Variants in ZNF649 observed in about 807,000 individuals in gnomAD.
The protein encoded by ZNF649 is zinc finger protein 649.
ZNF649 carries 7 observed loss-of-function variants against 14.1 expected under a neutral mutation model. The observed-to-expected ratio is 0.49, with a 90% confidence interval of 0.28 to 0.93. ZNF649 has a LOEUF of 0.93. Among genes scored for constraint, ZNF649 ranks in the 40% least tolerant of loss-of-function variants. ZNF649 has a pLI of 0.10. For missense variants in ZNF649, 544 were observed against 608.1 expected (o/e 0.89, Z 1.11); for synonymous variants, 227 against 212.3 (o/e 1.07, Z -0.60).
At chr19:51,901,691 C>G (rs906867981) in intron 1 of ZNF649, among the ~76,000 whole-genome samples, 1 of 152,090 alleles carries the variant, frequency 6.6e-6, no homozygotes, top group East Asian at 1.9e-4. Flanking sequence ...CGTGTTGGCT[C>G]ACACCTGTAA....
chr19:51,895,839 A>G (rs1424093260), intron 4 of ZNF649, among the ~76,000 whole-genome samples: 1 of 152,166 alleles, frequency 6.6e-6, no homozygotes, highest in East Asian at 1.9e-4. Flanking sequence ...ATGCTGTTCT[A>G]GCAAATTAAT....
chr19:51,902,669 A>T (rs1400164476), intron 1 of ZNF649, among the ~76,000 whole-genome samples: 2 of 152,206 alleles, frequency 1.3e-5, no homozygotes, highest in Admixed American at 1.3e-4. Flanking sequence ...CTAACATCAG[A>T]ATCATCTGAA....
intron 4 of ZNF649, among the ~76,000 whole-genome samples, chr19:51,894,758 ACATTTCTGTTT>A (rs2085048397): frequency 6.6e-6 from 1 of 152,214 alleles, no homozygotes; most frequent in Admixed American, 6.5e-5. Flanking sequence ...CTCAAGAAAG[ACATTTCTGTTT>A]CTCACTAAAT....
At position 51,900,300 on chromosome 19, in the gene ZNF649, G is replaced by A. The variant is rs2085087627; in HGVS notation, c.-187-6C>T. The A allele has an allele frequency of 4.6e-6, 2 of 433,596 alleles. No homozygotes were observed. The highest frequency in any genetic ancestry group is 6.9e-5 in the East Asian group (2 of 28,854). 26.9% of individuals were successfully genotyped at this position (433,596 alleles called of 1,614,324 possible). On this transcript the variant is annotated splice_region_variant and splice_polypyrimidine_tract_variant and intron_variant, in intron 1 of 4. Coordinates refer to ENST00000354957, the MANE Select transcript of ZNF649 (RefSeq NM_023074.4). ...TGCTTCTGGGGAGCCAGGACCTATG[G>A]AGTAAAAATCAAGTTCATTTGGTGA...
Position 51,891,760 on chromosome 19 carries a change from T to G in ZNF649, c.376A>C (p.Arg126=), listed in dbSNP as rs1350858267. 2 of 1,614,012 alleles carry G rather than the reference T, an allele frequency of 1.2e-6. No homozygotes were observed. The highest frequency in any genetic ancestry group is 1.7e-6 in the Non-Finnish European group (2 of 1,179,998). ...GLTNQSRRYN[R]KEPAEFNGDG... is the part of the protein sequence containing the mutation. ...CCATTAAACTCAGCAGGCTCCTTTCTGTTGTATCTTCTGCTCTGGTTGGTT... is the reference window on the plus strand; with the variant it reads ...CCATTAAACTCAGCAGGCTCCTTTCGGTTGTATCTTCTGCTCTGGTTGGTT... Residue 126 remains arginine, a synonymous_variant, in exon 5 of 5, where the codon AGA becomes CGA. Coordinates refer to ENST00000354957, the MANE Select transcript of ZNF649 (RefSeq NM_023074.4). The surrounding 1 kb of genome is among the most constrained non-coding windows in gnomAD (Gnocchi z 4.2).
At chr19:51,904,029 T>G (rs1036825263) in intron 1 of ZNF649, 1 of 152,886 alleles carries the variant, frequency 6.5e-6, no homozygotes, top group African/African-American at 2.4e-5. Context: ...GCCATACTCA[T>G]AGACTGCTGA....
chr19:51,897,121 C>A, intron 2 of ZNF649, 143 bp from the exon 3 acceptor site: 2 of 1,141,390 alleles, frequency 1.8e-6, no homozygotes, highest in East Asian at 2.5e-5. Flanking sequence ...TCAGGATGCC[C>A]CACATATACC....
intron 4 of ZNF649, among the ~76,000 whole-genome samples, chr19:51,895,311 C>A (rs753758707): frequency 1.3e-5 from 2 of 152,108 alleles, no homozygotes; most frequent in African/African-American, 2.4e-5. Flanking sequence ...TAATCACATA[C>A]CGATGCCTCA....
At position 51,890,636 on chromosome 19, in the gene ZNF649, G is replaced by A. The variant is rs1441664585; in HGVS notation, c.1500C>T (p.Ala500=). The A allele has an allele frequency of 1.2e-6, 2 of 1,611,316 alleles. No homozygotes were observed. Among genetic ancestry groups the A allele is most frequent in the Non-Finnish European group, 8.5e-7 (1 of 1,178,018 alleles). ...CTGTTTATCATGAATGCAGGATGTG[G>A]GCAAACTCACACTGCCCTGCCACCA... The part of the protein sequence containing the change: ...VAMVAGQCEF[A]HILHS The change falls in exon 5 of 5, where the codon GCC becomes GCT. Residue 500 remains alanine, a synonymous_variant. Transcript: ENST00000354957.
At position 51,900,198 on chromosome 19, in the gene ZNF649, GTC is replaced by G. The variant is rs1194064009; in HGVS notation, c.-93_-92del. The G allele has an allele frequency of 8.7e-7, 1 of 1,153,718 alleles. No individual in the cohort carries two copies. The highest frequency in any genetic ancestry group is 1.2e-6 in the Non-Finnish European group (1 of 847,092). 71.5% of individuals were successfully genotyped at this position (1,153,718 alleles called of 1,614,324 possible). A position where few individuals can be genotyped will look rare whatever the true frequency, so the allele number is the denominator to read the frequency against. On this transcript the variant is annotated 5_prime_UTR_variant, in exon 2 of 5. The change abolishes the stop of an existing upstream ORF in the 5' untranslated region. Transcript: ENST00000354957. ...CCTAAATTTTGGCTAAGAAATCTGA[GTC>G]TCCATTTAAGAGTGTTCCCAGAAAT...
Position 51,896,864 on chromosome 19 carries a change from G to A in ZNF649, c.130C>T (p.Leu44Phe), listed in dbSNP as rs2085065842. ...CAGCTGTCCTCACCCACTGACACAA[G>A]GTTGCTGTAGTTCTCCAACATCACA... is the stretch of plus-strand genomic sequence containing the variant. ...RDVMLENYSN[L>F]VSVGYQAGKP... The change falls in exon 3 of 5, where the codon CTT becomes TTT. Residue 44 changes from leucine to phenylalanine, a missense_variant. Transcript: ENST00000354957. 1 of 1,613,992 alleles carries A rather than the reference G, an allele frequency of 6.2e-7. No homozygotes were observed. Among genetic ancestry groups the A allele is most frequent in the African/African-American group, 1.3e-5 (1 of 74,896 alleles).
intron 4 of ZNF649, among the ~76,000 whole-genome samples, chr19:51,895,784 T>TAC (rs1052516248): frequency 6.6e-6 from 1 of 151,776 alleles, no homozygotes; most frequent in Non-Finnish European, 1.5e-5. Flanking sequence ...TATACACACA[T>TAC]ACACACACAC....
In ZNF649 at chr19:51,890,668, CA is replaced by C. The variant is rs1305081513; in HGVS notation, c.1467del (p.Val490TrpfsTer23). 1 of 1,614,116 alleles carries C rather than the reference CA, an allele frequency of 6.2e-7. No homozygotes were observed. Among genetic ancestry groups the C allele is most frequent in the Non-Finnish European group, 8.5e-7 (1 of 1,179,990 alleles). On this transcript the variant is annotated frameshift_variant, in exon 5 of 5. Transcript: ENST00000354957. LOFTEE classifies it high-confidence loss of function. ...TCACACTGCCCTGCCACCATTGCCA[CA>C]GTTACCATATTAACAGGGCTTTTCC... The part of the protein sequence containing the change: ...VQGKSPVNMV[T>X]VAMVAGQCEF...
In ZNF649 at chr19:51,890,920, C is replaced by A; in HGVS notation, c.1216G>T (p.Asp406Tyr). Residue 406 changes from aspartate to tyrosine, a missense_variant, in exon 5 of 5, where the codon GAC (aspartate) becomes TAC (tyrosine). Asp to Tyr is a radical substitution (Grantham distance 160). Transcript: ENST00000354957. ...TTTGTAAGGAAGGCTTTCCCACAGT[C>A]ACTGCATTTATAGGGTTTCTCTCCT... ...HSGEKPYKCSDCGKAFLTKTM... is the reference protein window; with the variant it reads ...HSGEKPYKCSYCGKAFLTKTM... The A allele has an allele frequency of 2.5e-6, 4 of 1,614,042 alleles. No individual in the cohort carries two copies. In the South Asian group the frequency reaches 4.4e-5, roughly 18 times the overall value.
chr19:51,897,095 A>G, intron 2 of ZNF649, 117 bp from the exon 3 acceptor site: 2 of 1,413,524 alleles, frequency 1.4e-6, no homozygotes, highest in Non-Finnish European at 2.0e-6. Flanking sequence ...CCCTTGGTAT[A>G]CTCAATGGAA....
chr19:51,893,800 T>A (rs987185526), intron 4 of ZNF649, among the ~76,000 whole-genome samples: 53 of 152,344 alleles, frequency 3.5e-4, no homozygotes, highest in African/African-American at 1.2e-3. Context: ...TCTGTTGGCA[T>A]CGGTGAATGG....
intron 4 of ZNF649, among the ~76,000 whole-genome samples, chr19:51,894,667 CA>C (rs1360376553): frequency 6.6e-6 from 1 of 152,136 alleles, no homozygotes; most frequent in Non-Finnish European, 1.5e-5. Context: ...TGAATTGTAA[CA>C]AAAACATTTC....
rs1165002704 is a variant in ZNF649 at position 51,890,958 on chromosome 19, TG to T, written c.1177del (p.Gln393ArgfsTer69). ...CSQKSGLIRH[Q>X]KIHSGEKPYK... is the part of the protein sequence containing the mutation. ...GGGTTTCTCTCCTGAGTGAATTTTC[TG>T]ATGTCTAATGAGTCCTGACTTCTGT... On this transcript the variant is annotated frameshift_variant, in exon 5 of 5. Transcript: ENST00000354957. LOFTEE classifies it low-confidence loss of function (END_TRUNC). 6.2e-7 allele frequency: 1 copy of T among 1,614,006 alleles called. No homozygotes were observed. Among genetic ancestry groups the T allele is most frequent in the East Asian group, 2.2e-5 (1 of 44,866 alleles).
chr19:51,901,974 TAAAG>T (rs960885286), intron 1 of ZNF649, among the ~76,000 whole-genome samples: 2 of 136,042 alleles, frequency 1.5e-5, no homozygotes, highest in East Asian at 2.1e-4. Context: ...AAAAAAAACC[TAAAG>T]AAAGAAGAAA....
Sources: allele counts gnomAD v4.1 joint callset (sites outside exome capture counted in the v4.1 genomes callset), GRCh38; gene constraint gnomAD v4.1.1; non-coding constraint Gnocchi (gnomAD v3.1); transcripts MANE v1.5; gene names NCBI Gene and HGNC (gene_info 2026-07-23, HGNC 2026-07-21).